Variants in MAGI2 observed in about 807,000 individuals in gnomAD.
MAGI2 encodes membrane associated guanylate kinase, WW and PDZ domain containing 2.
In MAGI2, 35 loss-of-function variants were observed where a neutral mutation model predicts 133.3. The observed-to-expected ratio is 0.26, with a 90% CI of 0.20 to 0.35. MAGI2 has a LOEUF of 0.35. Among genes scored for constraint, MAGI2 ranks in the 10% least tolerant of loss-of-function variants. MAGI2 has a pLI of 1.00. For synonymous variants in MAGI2, 729 were observed against 710.6 expected (o/e 1.03, Z -0.41); for missense variants, 1,636 against 1,863.4 (o/e 0.88, Z 2.25).
At chr7:79,272,830 C>A (rs1013278042) in intron 1 of MAGI2, among the ~76,000 whole-genome samples, 32 of 152,040 alleles carry the variant, frequency 2.1e-4, no homozygotes, top group African/African-American at 7.0e-4. Flanking sequence ...TCCTGCTCCT[C>A]TTTACATTTT....
At chr7:78,172,730 C>G (rs1021531502) in intron 14 of MAGI2, among the ~76,000 whole-genome samples, 7 of 152,110 alleles carry the variant, frequency 4.6e-5, no homozygotes, top group African/African-American at 1.4e-4. Flanking sequence ...CTTTATGAGA[C>G]CTCCTTTAGT....
chr7:78,525,984 A>G (rs1263838267), intron 3 of MAGI2, among the ~76,000 whole-genome samples: 1 of 152,222 alleles, frequency 6.6e-6, no homozygotes, highest in Non-Finnish European at 1.5e-5. Context: ...TAGATGCTCA[A>G]AATAGGGTGC....
intron 2 of MAGI2, among the ~76,000 whole-genome samples, chr7:78,655,778 G>A (rs564021164): frequency 2.0e-5 from 3 of 151,958 alleles, no homozygotes; most frequent in Non-Finnish European, 2.9e-5. Flanking sequence ...TCAGGAGATC[G>A]AGACCATCCT....
At chr7:78,132,020 G>T (rs560839245) in intron 18 of MAGI2, among the ~76,000 whole-genome samples, 1 of 152,212 alleles carries the variant, frequency 6.6e-6, no homozygotes, top group African/African-American at 2.4e-5. Context: ...GACTACAGGC[G>T]TGTACCACCA....
intron 10 of MAGI2, among the ~76,000 whole-genome samples, chr7:78,220,645 C>G (rs1788718011): frequency 6.6e-6 from 1 of 151,228 alleles, no homozygotes; most frequent in Non-Finnish European, 1.5e-5. Context: ...ATAAAACCAG[C>G]TTATATTTTA....
At chr7:78,418,512 C>T (rs1798503144) in intron 6 of MAGI2, among the ~76,000 whole-genome samples, 1 of 152,084 alleles carries the variant, frequency 6.6e-6, no homozygotes, top group Non-Finnish European at 1.5e-5. Flanking sequence ...CTATACTGTC[C>T]AATACAGTAG....
At chr7:78,279,878 C>T (rs949257269) in intron 9 of MAGI2, among the ~76,000 whole-genome samples, 7 of 152,236 alleles carry the variant, frequency 4.6e-5, no homozygotes, top group Middle Eastern at 3.4e-3. Context: ...ACTATCAATA[C>T]GGAGATTGAA....
intron 2 of MAGI2, among the ~76,000 whole-genome samples, chr7:78,830,420 T>C (rs1340594421): frequency 2.0e-5 from 3 of 152,160 alleles, no homozygotes; most frequent in African/African-American, 7.2e-5. Context: ...TAATATATCT[T>C]ATCCAATCTC....
intron 1 of MAGI2, among the ~76,000 whole-genome samples, chr7:79,382,119 C>A (rs755174255): frequency 6.6e-6 from 1 of 151,670 alleles, no homozygotes; most frequent in East Asian, 2.0e-4. Flanking sequence ...CCAGTCTCCC[C>A]TTAAGTCTTG....
At chr7:78,716,644 C>T (rs190847569) in intron 2 of MAGI2, among the ~76,000 whole-genome samples, 4 of 152,210 alleles carry the variant, frequency 2.6e-5, no homozygotes, top group South Asian at 2.1e-4. Context: ...TTGCTGAGCA[C>T]GCTGATTTTT....
chr7:78,431,283 A>G (rs115496422), intron 6 of MAGI2, among the ~76,000 whole-genome samples: 2,353 of 152,166 alleles, frequency 0.015, 63 homozygotes, highest in African/African-American at 0.053. Flanking sequence ...TCAAAGACTG[A>G]CTAAAGGTGT....
chr7:78,491,871 TTGTGTGTGTGTGTGTGTGTG>T (rs10598552), intron 5 of MAGI2, among the ~76,000 whole-genome samples: 43 of 141,202 alleles, frequency 3.0e-4, no homozygotes, highest in African/African-American at 1.0e-3. Context: ...TCCGTTCAAA[TTGTGTGTGTGTGTGTGTGTG>T]TGTGTGTGTG....
chr7:79,431,611 T>C (rs1279247021), intron 1 of MAGI2, among the ~76,000 whole-genome samples: 1 of 152,206 alleles, frequency 6.6e-6, no homozygotes. Flanking sequence ...TCTAAATGTT[T>C]ATGATTTCAG....
intron 2 of MAGI2, among the ~76,000 whole-genome samples, chr7:78,665,562 T>C (rs77914183): frequency 0.011 from 1,747 of 152,252 alleles, 36 homozygotes; most frequent in African/African-American, 0.04. Context: ...TGGACATATA[T>C]TAGAAGGTTG....
chr7:78,451,697 A>T (rs1788741682), intron 6 of MAGI2, among the ~76,000 whole-genome samples: 1 of 152,168 alleles, frequency 6.6e-6, no homozygotes, highest in Non-Finnish European at 1.5e-5. Context: ...GAGTTTCTGC[A>T]TAAAGCACTG....
At chr7:78,849,184 T>C (rs1792905895) in intron 2 of MAGI2, among the ~76,000 whole-genome samples, 2 of 152,030 alleles carry the variant, frequency 1.3e-5, no homozygotes, top group African/African-American at 4.8e-5. Flanking sequence ...TGATAAAACA[T>C]GGACTTGACT....
chr7:79,265,861 T>C (rs1343102703), intron 1 of MAGI2, among the ~76,000 whole-genome samples: 4 of 152,194 alleles, frequency 2.6e-5, no homozygotes, highest in African/African-American at 9.6e-5. Context: ...GCTATGTTTC[T>C]GCTTTTCCTA....
intron 1 of MAGI2, among the ~76,000 whole-genome samples, chr7:79,405,196 G>T (rs906474909): frequency 2.6e-5 from 4 of 152,100 alleles, no homozygotes; most frequent in Non-Finnish European, 4.4e-5. Context: ...TTGTTAGTTT[G>T]ATTTATAACT....
At chr7:78,605,477 TCTAA>T (rs760978024) in intron 3 of MAGI2, among the ~76,000 whole-genome samples, 15 of 152,222 alleles carry the variant, frequency 9.9e-5, no homozygotes, top group Non-Finnish European at 1.3e-4. Flanking sequence ...ACCACTTTAA[TCTAA>T]CCACACCATG....
Sources: gnomAD v4.1 joint callset for allele counts (sites outside exome capture counted in the v4.1 genomes callset) on GRCh38, gnomAD v4.1.1 for gene constraint, MANE v1.5 for transcripts, NCBI Gene and HGNC (gene_info 2026-07-23, HGNC 2026-07-21) for gene names.